Variants in CTNND2 observed in about 807,000 individuals in gnomAD.
CTNND2 encodes the protein catenin delta-2.
CTNND2 carries 22 observed loss-of-function variants against 144.4 expected under a neutral mutation model. The ratio of observed to expected loss-of-function variants is 0.15; its 90% CI spans 0.11 to 0.22. The LOEUF is 0.22. Among genes scored for constraint, CTNND2 ranks in the 10% least tolerant of loss-of-function variants. The probability of loss-of-function intolerance (pLI) is 1.00; values close to 1 mark genes in which losing one functional copy is unlikely to be tolerated. For synonymous variants in CTNND2, 751 were observed against 695.6 expected (o/e 1.08, Z -1.25); for missense variants, 1,353 against 1,618.8 (o/e 0.84, Z 2.82).
In CTNND2 at chr5:11,879,335, A is replaced by ATGTGTGTG. The variant is rs141467104; in HGVS notation, c.37+24481_37+24482insCACACACA. 3.1e-3 allele frequency among the ~76,000 whole-genome samples: 173 copies of ATGTGTGTG among 56,226 alleles called. 3 individuals are homozygous for ATGTGTGTG. Among genetic ancestry groups the ATGTGTGTG allele is most frequent in the African/African-American group, 8.0e-3 (156 of 19,516 alleles). 36.9% of individuals were successfully genotyped at this position (56,226 alleles called of 152,430 possible). Reference sequence around the variant, plus strand: ...AATTTCAAGTGTATTAAAAAATTAAATGTGTGTATATATATATATATACAT... The same window carrying ATGTGTGTG: ...AATTTCAAGTGTATTAAAAAATTAAATGTGTGTGTGTGTGTATATATATATATATACAT... On this transcript the variant is annotated intron_variant, in intron 1 of 21. Transcript: ENST00000304623.
rs981004139 is a variant in CTNND2, at chr5:11,508,390, G to A, written c.287+56554C>T. 2.0e-5 allele frequency: 3 copies of A among 152,128 alleles called. No individual in the cohort carries two copies. The East Asian group carries it at 5.8e-4, about 29-fold the overall frequency. The allele number at this position is 152,128 out of a possible 1,614,324, so 9.4% of individuals were successfully genotyped here. The stretch of plus-strand genomic sequence containing the variant: ...AATTGCCATGTTCCCGAGACTTCAG[G>A]TTGAAACAACAGATGTAGAGGTAGG... On this transcript the variant is annotated intron_variant, in intron 3 of 21. Coordinates refer to ENST00000304623, the MANE Select transcript of CTNND2 (RefSeq NM_001332.4).
intron 16 of CTNND2, among the ~76,000 whole-genome samples, chr5:11,035,570 C>A (rs1044296186): frequency 3.9e-5 from 6 of 152,216 alleles, no homozygotes; most frequent in African/African-American, 1.2e-4. Context: ...GGTGGCACAG[C>A]CACAGGTCTG....
intron 2 of CTNND2, among the ~76,000 whole-genome samples, chr5:11,645,006 A>G (rs887972023): frequency 6.6e-5 from 10 of 152,190 alleles, no homozygotes; most frequent in Admixed American, 2.6e-4. Context: ...TCTGTCACCC[A>G]GGCTAGACTA....
At position 11,647,660 on chromosome 5, in the gene CTNND2, T is replaced by C. The variant is rs1002091226; in HGVS notation, c.175-82604A>G. ...CAAACAATTCCTGCACCCCACACAA[T>C]TCTTTCTGGGCTTCTCCACCTGTCT... is the stretch of plus-strand genomic sequence containing the variant. On this transcript the variant is annotated intron_variant, in intron 2 of 21. Coordinates refer to ENST00000304623, the MANE Select transcript of CTNND2 (RefSeq NM_001332.4). Among the ~76,000 whole-genome samples, 32 of 152,012 alleles carry C rather than the reference T, an allele frequency of 2.1e-4. 1 individual carries two copies. Among genetic ancestry groups the C allele is most frequent in the Non-Finnish European group, 2.9e-4 (20 of 68,010 alleles).
chr5:10,988,090 G>C lies in CTNND2; in HGVS notation c.3343+21C>G, dbSNP rs777206199. ...GGTCAAGCCACCAAGTTCCAGGAGG[G>C]GGCGCGCGAGGGGCGCTCACCTGTC... is the stretch of plus-strand genomic sequence containing the variant. On this transcript the variant is annotated intron_variant, in intron 20 of 21. Coordinates refer to ENST00000304623, the MANE Select transcript of CTNND2 (RefSeq NM_001332.4). This position sits in a 1 kb window ranked among gnomAD's most constrained non-coding sequence, Gnocchi z 5.9. 2 of 1,613,604 alleles carry C rather than the reference G, an allele frequency of 1.2e-6. No homozygotes were observed. The highest frequency in any genetic ancestry group is 1.7e-6 in the Non-Finnish European group (2 of 1,179,816).
chr5:11,822,187 C>T (rs1317186410), intron 1 of CTNND2, among the ~76,000 whole-genome samples: 1 of 152,220 alleles, frequency 6.6e-6, no homozygotes, highest in South Asian at 2.1e-4. Context: ...AATGACAGAA[C>T]AGGAATGTGA....
intron 11 of CTNND2, among the ~76,000 whole-genome samples, chr5:11,164,584 G>A (rs1263021939): frequency 6.6e-6 from 1 of 152,116 alleles, no homozygotes; most frequent in Non-Finnish European, 1.5e-5. Flanking sequence ...TCTAGTCACT[G>A]TGCTCCAGCC....
At chr5:11,284,424 C>G (rs763036731) in intron 9 of CTNND2, among the ~76,000 whole-genome samples, 2 of 152,148 alleles carry the variant, frequency 1.3e-5, no homozygotes, top group Non-Finnish European at 2.9e-5. Flanking sequence ...CAGCCTGCCC[C>G]CTGGACAGGA....
intron 9 of CTNND2, among the ~76,000 whole-genome samples, chr5:11,308,836 G>A (rs920712472): frequency 6.6e-6 from 1 of 152,108 alleles, no homozygotes; most frequent in African/African-American, 2.4e-5. Flanking sequence ...ATAAAAAAGA[G>A]GTTTACTCAG....
intron 9 of CTNND2, among the ~76,000 whole-genome samples, chr5:11,316,464 ATTT>A (rs113458951): frequency 0.098 from 5,930 of 60,212 alleles, 119 homozygotes; most frequent in South Asian, 0.11. Context: ...CTTATCCACT[ATTT>A]TTTATTATTA....
intron 2 of CTNND2, among the ~76,000 whole-genome samples, chr5:11,723,382 T>A (rs918855277): frequency 5.3e-5 from 8 of 152,038 alleles, no homozygotes; most frequent in Non-Finnish European, 1.0e-4. Context: ...ATAGAAAAAA[T>A]TGCAATTTGG....
At chr5:11,118,747 G>A (rs772459314) in intron 12 of CTNND2, among the ~76,000 whole-genome samples, 17 of 152,150 alleles carry the variant, frequency 1.1e-4, no homozygotes, top group East Asian at 3.9e-4. Flanking sequence ...TCTCCAGCCC[G>A]CTATAATTGA....
At position 10,973,674 on chromosome 5, in the gene CTNND2, C is replaced by G. The variant is rs377636649; in HGVS notation, c.3457G>C (p.Asp1153His). The G allele has an allele frequency of 3.1e-6, 5 of 1,612,358 alleles. No homozygotes were observed. The African/African-American group carries it at 6.7e-5, about 22-fold the overall frequency. ...TGAAATGGCTGGTAGGTCTCGTAAT[C>G]TTTTCTGCTGGGCTCCTGTGGGACT... is the stretch of plus-strand genomic sequence containing the variant. The part of the protein sequence containing the change: ...QPVPQEPSRK[D>H]YETYQPFQNS... The change falls in exon 22 of 22, where the codon GAT becomes CAT. Residue 1153 changes from aspartate to histidine, a missense_variant. Around this residue, in one of 4 missense-constraint regions of CTNND2, gnomAD observed 459 missense variants for 674.3 expected, o/e 0.68. Transcript: ENST00000304623. This position sits in a 1 kb window ranked among gnomAD's most constrained non-coding sequence, Gnocchi z 5.6.
At chr5:11,311,683 ACACT>A (rs1337409717) in intron 9 of CTNND2, among the ~76,000 whole-genome samples, 33 of 121,416 alleles carry the variant, frequency 2.7e-4, no homozygotes, top group East Asian at 1.4e-3. Context: ...ATGCTCTCAC[ACACT>A]CACTCTCCAT....
At chr5:11,162,083 GGGGGGGTTGCAGTGA>G (rs1758822306) in intron 11 of CTNND2, among the ~76,000 whole-genome samples, 1 of 151,980 alleles carries the variant, frequency 6.6e-6, no homozygotes, top group Admixed American at 6.6e-5. Flanking sequence ...CTGGGAGTGG[GGGGGGGTTGCAGTGA>G]GCTGAGATCG....
intron 3 of CTNND2, among the ~76,000 whole-genome samples, chr5:11,455,695 A>AAAAG (rs2149922354): frequency 1.3e-5 from 2 of 152,300 alleles, no homozygotes; most frequent in Admixed American, 1.3e-4. Context: ...TCAAGAAGTG[A>AAAAG]TCATACCTCC....
chr5:11,156,183 C>G (rs1052857195), intron 12 of CTNND2, among the ~76,000 whole-genome samples: 8 of 152,176 alleles, frequency 5.3e-5, no homozygotes. Context: ...TCTGGCTAAG[C>G]CTTAGGCAGA....
At chr5:11,523,645 G>C (rs1772956235) in intron 3 of CTNND2, among the ~76,000 whole-genome samples, 1 of 152,174 alleles carries the variant, frequency 6.6e-6, no homozygotes, top group Non-Finnish European at 1.5e-5. Context: ...TCTCCAAGTA[G>C]AACATAACAA....
intron 18 of CTNND2, among the ~76,000 whole-genome samples, chr5:11,008,548 G>T (rs1011860788): frequency 6.6e-6 from 1 of 152,156 alleles, no homozygotes; most frequent in Non-Finnish European, 1.5e-5. Flanking sequence ...CTGATGATAA[G>T]GTAGTATGCC....
Sources: gnomAD v4.1 joint callset for allele counts (sites outside exome capture counted in the v4.1 genomes callset) on GRCh38, gnomAD v4.1.1 for gene constraint, gnomAD v4.1.1 regional missense constraint, Gnocchi (gnomAD v3.1) non-coding constraint, MANE v1.5 for transcripts, NCBI Gene and HGNC (gene_info 2026-07-23, HGNC 2026-07-21) for gene names.